Variants in RUNX1 observed in about 807,000 individuals in gnomAD.
RUNX1 encodes RUNX family transcription factor 1, also known as runt-related transcription factor 1.
RUNX1 carries 19 observed loss-of-function variants against 42.8 expected under a neutral mutation model. The ratio of observed to expected loss-of-function variants is 0.44; its 90% CI spans 0.31 to 0.65. The LOEUF is 0.65. Ranked by LOEUF, RUNX1 falls within the 30% of genes least tolerant of loss-of-function variation. The pLI, the probability that RUNX1 is intolerant of heterozygous loss-of-function variation, is 0.07. For synonymous variants in RUNX1, 271 were observed against 289.4 expected (o/e 0.94, Z 0.64); for missense variants, 528 against 672.0 (o/e 0.79, Z 2.37).
At chr21:34,795,213 G>A (rs1040652605) in intron 8 of RUNX1, among the ~76,000 whole-genome samples, 1 of 152,186 alleles carries the variant, frequency 6.6e-6, no homozygotes, top group Admixed American at 6.5e-5. Context: ...AGAGCCAAAA[G>A]CTTGCTCTGA....
intron 2 of RUNX1, among the ~76,000 whole-genome samples, chr21:35,017,138 C>T: frequency 6.6e-6 from 1 of 152,146 alleles, no homozygotes; most frequent in East Asian, 1.9e-4. Flanking sequence ...TGTCTACCTT[C>T]TGTTCCCTGC....
rs2058022410 is a variant in RUNX1, at chr21:34,887,927, T to C, written c.98-831A>G. On this transcript the variant is annotated intron_variant, in intron 3 of 8. Coordinates refer to ENST00000675419, the MANE Select transcript of RUNX1 (RefSeq NM_001754.5). Reference sequence around the variant, plus strand: ...TGCAGAAAATTCAGCGTTTCAGAGATCTTCAGCTAATCTTAAAACAACAAT... The same window carrying C: ...TGCAGAAAATTCAGCGTTTCAGAGACCTTCAGCTAATCTTAAAACAACAAT... The C allele has an allele frequency of 5.6e-6, 6 of 1,065,502 alleles. No individual in the cohort carries two copies. The Admixed American group carries it at 3.2e-4, about 57-fold the overall frequency. The allele number at this position is 1,065,502 out of a possible 1,614,324, so 66.0% of individuals were successfully genotyped here.
chr21:35,040,769 TCC>T (rs746554124), intron 2 of RUNX1, among the ~76,000 whole-genome samples: 5 of 55,342 alleles, frequency 9.0e-5, no homozygotes, highest in East Asian at 5.3e-4. Context: ...GTAGACTCCA[TCC>T]AAAAAAAAAA....
At chr21:34,919,564 G>A (rs1187906226) in intron 2 of RUNX1, among the ~76,000 whole-genome samples, 3 of 152,164 alleles carry the variant, frequency 2.0e-5, no homozygotes, top group African/African-American at 7.2e-5. Context: ...ACTCCTTAGT[G>A]GCTTATTCTC....
At chr21:34,903,913 T>C (rs945257854) in intron 2 of RUNX1, among the ~76,000 whole-genome samples, 1 of 152,196 alleles carries the variant, frequency 6.6e-6, no homozygotes, top group Non-Finnish European at 1.5e-5. Flanking sequence ...GTAATAATCC[T>C]ATTCTCTAAT....
At position 34,800,959 on chromosome 21, in the gene RUNX1, C is replaced by T. The variant is rs140502547; in HGVS notation, c.806-1497G>A. Among the ~76,000 whole-genome samples the T allele has an allele frequency of 5.7e-3, 860 of 152,060 alleles. 8 individuals are homozygous for T. The highest frequency in any genetic ancestry group is 0.02 in the African/African-American group (810 of 41,450). On this transcript the variant is annotated intron_variant, in intron 7 of 8. Transcript: ENST00000675419. Reference sequence around the variant, plus strand: ...TGGCAAGGAACAAAAGGAGCTGGTCCATTTTAAACTCAGCAGAAAATAAAT... The same window carrying T: ...TGGCAAGGAACAAAAGGAGCTGGTCTATTTTAAACTCAGCAGAAAATAAAT...
intron 4 of RUNX1, among the ~76,000 whole-genome samples, chr21:34,882,399 A>G (rs570151087): frequency 2.6e-5 from 4 of 152,322 alleles, no homozygotes; most frequent in African/African-American, 9.6e-5. Context: ...AGTCTCATAG[A>G]AGCAGGGAGG....
intron 2 of RUNX1, among the ~76,000 whole-genome samples, chr21:35,034,306 G>A (rs528410996): frequency 3.3e-5 from 5 of 152,356 alleles, no homozygotes; most frequent in East Asian, 1.9e-4. Flanking sequence ...TGCTCTTCAC[G>A]TCGGGGACAT....
rs534333950 is a variant in RUNX1 at position 35,033,311 on chromosome 21, T to C, written c.58+15531A>G. Among the ~76,000 whole-genome samples the C allele has an allele frequency of 7.2e-5, 11 of 152,368 alleles. No homozygotes were observed. The East Asian group carries it at 1.9e-3, about 27-fold the overall frequency. On this transcript the variant is annotated intron_variant, in intron 2 of 8. Transcript: ENST00000675419. The stretch of plus-strand genomic sequence containing the variant: ...CTCATAAACAGAAAAGCTGGAATTA[T>C]GTTTTGGTAAGAGCAAATAAACCAG...
chr21:34,852,998 G>A (rs557282684), intron 6 of RUNX1, among the ~76,000 whole-genome samples: 71 of 152,340 alleles, frequency 4.7e-4, no homozygotes, highest in South Asian at 3.5e-3. Context: ...GCGGCTACGT[G>A]CTGTGCACAC....
chr21:34,871,666 C>T (rs1406636251), intron 5 of RUNX1, among the ~76,000 whole-genome samples: 2 of 152,136 alleles, frequency 1.3e-5, no homozygotes, highest in African/African-American at 4.8e-5. Flanking sequence ...AGGAACCCAG[C>T]CATCTGTCTG....
intron 6 of RUNX1, among the ~76,000 whole-genome samples, chr21:34,835,161 G>T (rs932208241): frequency 2.0e-5 from 3 of 152,046 alleles, no homozygotes; most frequent in African/African-American, 7.2e-5. Context: ...CCCATTTCCA[G>T]GTACACGCAG....
chr21:34,905,406 G>A (rs1379498386), intron 2 of RUNX1, among the ~76,000 whole-genome samples: 1 of 152,066 alleles, frequency 6.6e-6, no homozygotes, highest in Admixed American at 6.5e-5. Context: ...TAACCCCTCC[G>A]TTACTGGGAA....
chr21:34,862,026 A>AT, intron 5 of RUNX1, among the ~76,000 whole-genome samples: 1 of 151,090 alleles, frequency 6.6e-6, no homozygotes, highest in South Asian at 2.1e-4. Context: ...GGTATTTAAA[A>AT]TTAAAAAAAA....
At chr21:34,829,742 T>C (rs2057037084) in intron 7 of RUNX1, 1 of 152,220 alleles carries the variant, frequency 6.6e-6, no homozygotes, top group African/African-American at 2.4e-5. Flanking sequence ...GGTAATCAAA[T>C]AGTCCCTACT....
intron 7 of RUNX1, 150 bp from the exon 8 acceptor site, chr21:34,799,612 A>G (rs2056580934): frequency 4.6e-6 from 3 of 656,738 alleles, no homozygotes; most frequent in South Asian, 3.8e-5. Context: ...CTCAAGTCCA[A>G]GTATCTGCCT....
intron 2 of RUNX1, among the ~76,000 whole-genome samples, chr21:35,001,669 T>A (rs1478793701): frequency 6.6e-6 from 1 of 152,024 alleles, no homozygotes; most frequent in Non-Finnish European, 1.5e-5. Flanking sequence ...AAACAACATA[T>A]AAAAGACACC....
chr21:34,896,058 C>T (rs2058127573), intron 2 of RUNX1, among the ~76,000 whole-genome samples: 1 of 151,836 alleles, frequency 6.6e-6, no homozygotes, highest in South Asian at 2.1e-4. Flanking sequence ...GTAGAGAAGA[C>T]CAGAAACAGC....
At chr21:35,047,454 T>C (rs1315709533) in intron 2 of RUNX1, among the ~76,000 whole-genome samples, 1 of 151,552 alleles carries the variant, frequency 6.6e-6, no homozygotes, top group East Asian at 1.9e-4. Flanking sequence ...ATTTGAAACT[T>C]GAGCTTGGTT....
Sources: allele counts gnomAD v4.1 joint callset (sites outside exome capture counted in the v4.1 genomes callset), GRCh38; gene constraint gnomAD v4.1.1; transcripts MANE v1.5; gene names NCBI Gene and HGNC (gene_info 2026-07-23, HGNC 2026-07-21).